DPYD: variants seen among roughly 807,000 people sequenced by gnomAD.
The protein encoded by DPYD is dihydropyrimidine dehydrogenase.
DPYD carries 109 observed loss-of-function variants against 116.2 expected under a neutral mutation model. The ratio of observed to expected loss-of-function variants is 0.94; its 90% CI spans 0.80 to 1.10. DPYD has a LOEUF of 1.10. DPYD is among the 50% of genes least tolerant of loss of function. The pLI, the probability that DPYD is intolerant of heterozygous loss-of-function variation, is 0.00. For missense variants in DPYD, 1,302 were observed against 1,254.5 expected, an observed-to-expected ratio of 1.04 and a Z score of -0.57; for synonymous variants, 440 against 432.0, an observed-to-expected ratio of 1.02 and a Z score of -0.23.
chr1:97,384,635 G>A (rs546458211), intron 14 of DPYD, among the ~76,000 whole-genome samples: 3 of 152,256 alleles, frequency 2.0e-5, no homozygotes, highest in African/African-American at 7.2e-5. Context: ...ATATGAGTAA[G>A]AGTGAAGAGT....
chr1:97,745,929 G>GA (rs1664527134), intron 3 of DPYD, among the ~76,000 whole-genome samples: 1 of 151,906 alleles, frequency 6.6e-6, no homozygotes, highest in Admixed American at 6.6e-5. Flanking sequence ...TGAAGACTGA[G>GA]AAAAAAGCAG....
chr1:97,732,961 G>A (rs886922871), intron 4 of DPYD, among the ~76,000 whole-genome samples: 5 of 152,052 alleles, frequency 3.3e-5, no homozygotes, highest in African/African-American at 1.2e-4. Context: ...ATGTCAAGGA[G>A]ATGCTTTTAG....
intron 20 of DPYD, among the ~76,000 whole-genome samples, chr1:97,153,303 T>C (rs1172964175): frequency 6.6e-6 from 1 of 152,130 alleles, no homozygotes; most frequent in African/African-American, 2.4e-5. Context: ...TTCCACATGA[T>C]CTTGTTCATG....
intron 10 of DPYD, among the ~76,000 whole-genome samples, chr1:97,575,461 T>C (rs932280110): frequency 6.6e-6 from 1 of 152,150 alleles, no homozygotes; most frequent in African/African-American, 2.4e-5. Context: ...AAGAAAATGG[T>C]TGGGAAACAC....
At chr1:97,698,688 T>C (rs1482630734) in intron 6 of DPYD, among the ~76,000 whole-genome samples, 1 of 151,912 alleles carries the variant, frequency 6.6e-6, no homozygotes, top group Non-Finnish European at 1.5e-5. Flanking sequence ...AAATTCTTTA[T>C]TTTGTATAAA....
At chr1:97,404,653 C>T (rs919373073) in intron 14 of DPYD, among the ~76,000 whole-genome samples, 3 of 152,024 alleles carry the variant, frequency 2.0e-5, no homozygotes, top group Non-Finnish European at 4.4e-5. Flanking sequence ...TTTCTTCATC[C>T]ATTTACTTAT....
chr1:97,854,211 C>G (rs1451592863), intron 2 of DPYD, among the ~76,000 whole-genome samples: 1 of 152,106 alleles, frequency 6.6e-6, no homozygotes, highest in Admixed American at 6.5e-5. Flanking sequence ...GTGCAAGATT[C>G]TCTGATAAAT....
At chr1:97,550,148 C>G (rs2102087256) in intron 11 of DPYD, among the ~76,000 whole-genome samples, 1 of 152,292 alleles carries the variant, frequency 6.6e-6, no homozygotes, top group South Asian at 2.1e-4. Flanking sequence ...ATGTGTGTCA[C>G]TTTTGAAAGT....
rs150160365 is a variant in DPYD at position 97,337,282 on chromosome 1, G to T, written c.2059-30985C>A. Reference sequence around the variant, plus strand: ...CATATGAGTAGGGAAGTTTGTCTCCGAAAGGAGAAGTTCTTCTATCTGATA... The same window carrying T: ...CATATGAGTAGGGAAGTTTGTCTCCTAAAGGAGAAGTTCTTCTATCTGATA... On this transcript the variant is annotated intron_variant, in intron 16 of 22. Transcript: ENST00000370192. 2.0e-5 allele frequency among the ~76,000 whole-genome samples: 3 copies of T among 152,266 alleles called. 1 individual carries two copies. In the South Asian group the frequency reaches 6.2e-4, roughly 32 times the overall value.
intron 2 of DPYD, among the ~76,000 whole-genome samples, chr1:97,858,218 A>T (rs895898512): frequency 3.3e-5 from 5 of 152,160 alleles, no homozygotes; most frequent in African/African-American, 1.2e-4. Flanking sequence ...TCTGTAAGAT[A>T]ATATTTTATA....
rs571251496 is a variant in DPYD at position 97,411,357 on chromosome 1, T to C, written c.1906-28896A>G. Among the ~76,000 whole-genome samples, 326 of 152,218 alleles carry C rather than the reference T, an allele frequency of 2.1e-3. 7 individuals are homozygous for C. In the South Asian group the frequency reaches 0.03, roughly 14 times the overall value. On this transcript the variant is annotated intron_variant, in intron 14 of 22. Coordinates refer to ENST00000370192, the MANE Select transcript of DPYD (RefSeq NM_000110.4). ...AGTCAACTTCACTTTTTTTCTGCTC[T>C]CCTTCCTCCCACTTTATCATATTCC...
chr1:97,824,190 A>C (rs530092905), intron 3 of DPYD, among the ~76,000 whole-genome samples: 52 of 152,276 alleles, frequency 3.4e-4, no homozygotes, highest in African/African-American at 1.2e-3. Context: ...TTATAAAATA[A>C]GAGCTACCTT....
rs1667994213 is a variant in DPYD at position 97,804,579 on chromosome 1, C to A, written c.233+23535G>T. 2.0e-5 allele frequency among the ~76,000 whole-genome samples: 3 copies of A among 151,916 alleles called. No homozygotes were observed. The South Asian group carries it at 6.2e-4, about 31-fold the overall frequency. On this transcript the variant is annotated intron_variant, in intron 3 of 22. Coordinates refer to ENST00000370192, the MANE Select transcript of DPYD (RefSeq NM_000110.4). ...TGTCATTGATATTTATCTTCCTACA[C>A]CAAAGTCAAAGTCATTTGATTGTGT... is the stretch of plus-strand genomic sequence containing the variant.
chr1:97,484,586 T>C (rs1003885168), intron 13 of DPYD, among the ~76,000 whole-genome samples: 1 of 152,192 alleles, frequency 6.6e-6, no homozygotes, highest in Non-Finnish European at 1.5e-5. Context: ...TCCCTCCTCT[T>C]TATTCGCTCT....
intron 18 of DPYD, among the ~76,000 whole-genome samples, chr1:97,253,208 T>C (rs1336471849): frequency 6.6e-6 from 1 of 152,120 alleles, no homozygotes; most frequent in Non-Finnish European, 1.5e-5. Context: ...CCCACACAAA[T>C]AGCACTGTAA....
At chr1:97,563,139 T>C (rs947144170) in intron 11 of DPYD, among the ~76,000 whole-genome samples, 3 of 152,178 alleles carry the variant, frequency 2.0e-5, no homozygotes, top group Non-Finnish European at 2.9e-5. Flanking sequence ...CAATACAAAA[T>C]ACATATAATT....
intron 18 of DPYD, among the ~76,000 whole-genome samples, chr1:97,272,622 C>A (rs75585626): frequency 0.076 from 11,566 of 152,088 alleles, 996 homozygotes; most frequent in African/African-American, 0.21. Flanking sequence ...CACAATTGAA[C>A]TTTGAATAAG....
chr1:97,203,036 C>T (rs990923283), intron 19 of DPYD, among the ~76,000 whole-genome samples: 6 of 152,112 alleles, frequency 3.9e-5, no homozygotes, highest in Non-Finnish European at 7.4e-5. Context: ...CCTATGCAGC[C>T]CATTCTTTGG....
chr1:97,567,874 CT>C (rs34884630), intron 11 of DPYD, among the ~76,000 whole-genome samples: 116,182 of 149,822 alleles, frequency 0.78, 45,421 homozygotes, highest in East Asian at 0.96. Context: ...ATGGAGATTT[CT>C]TTTTTTTTTA....
Sources: gnomAD v4.1 joint callset for allele counts (sites outside exome capture counted in the v4.1 genomes callset) on GRCh38, gnomAD v4.1.1 for gene constraint, MANE v1.5 for transcripts, NCBI Gene and HGNC (gene_info 2026-07-23, HGNC 2026-07-21) for gene names.